Variants in WWOX observed in about 807,000 individuals in gnomAD.
WWOX encodes the protein WW domain-containing oxidoreductase.
Under a neutral mutation model 46.2 loss-of-function variants are expected in WWOX, and 69 were observed. The ratio of observed to expected loss-of-function variants is 1.49; its 90% CI spans 1.23 to 1.82. The LOEUF (loss-of-function observed/expected upper bound fraction) is 1.82, where lower values mean the gene tolerates loss of function less well. Ranked by LOEUF, WWOX falls within the 40% of genes most tolerant of loss-of-function variation. The probability of loss-of-function intolerance (pLI) is 0.00; values close to 1 mark genes in which losing one functional copy is unlikely to be tolerated. For missense variants in WWOX, 919 were observed against 542.6 expected (o/e 1.69, Z -6.89); for synonymous variants, 359 against 202.6 (o/e 1.77, Z -6.56).
chr16:79,000,923 G>A (rs542704197), intron 8 of WWOX, among the ~76,000 whole-genome samples: 1 of 152,216 alleles, frequency 6.6e-6, no homozygotes, highest in Admixed American at 6.5e-5. Context: ...ATACTCATCT[G>A]CCCCACTGGA....
intron 8 of WWOX, among the ~76,000 whole-genome samples, chr16:78,828,704 C>G (rs1042159521): frequency 6.6e-6 from 1 of 152,104 alleles, no homozygotes; most frequent in African/African-American, 2.4e-5. Flanking sequence ...GTGCAGGGAA[C>G]TGTATTAATC....
intron 8 of WWOX, among the ~76,000 whole-genome samples, chr16:78,665,805 C>G (rs898866930): frequency 6.6e-6 from 1 of 152,154 alleles, no homozygotes; most frequent in Non-Finnish European, 1.5e-5. Flanking sequence ...CTACCTCAGA[C>G]TCTCAAGTAG....
chr16:78,625,681 C>T (rs1400376998), intron 8 of WWOX, among the ~76,000 whole-genome samples: 4 of 151,090 alleles, frequency 2.6e-5, no homozygotes, highest in South Asian at 2.1e-4. Context: ...TAATAATACT[C>T]GGTTGGTGCA....
At chr16:78,603,616 C>T (rs1436111858) in intron 8 of WWOX, among the ~76,000 whole-genome samples, 1 of 152,120 alleles carries the variant, frequency 6.6e-6, no homozygotes, top group Non-Finnish European at 1.5e-5. Context: ...ATCGCTTGAA[C>T]CCAGGAGGAG....
rs185137943 is a variant in WWOX at position 79,188,093 on chromosome 16, A to G, written c.1057-23515A>G. Among the ~76,000 whole-genome samples, 554 of 152,324 alleles carry G rather than the reference A, an allele frequency of 3.6e-3. 4 individuals carry two copies. Among genetic ancestry groups the G allele is most frequent in the South Asian group, 0.016 (78 of 4,828 alleles). ...TGAGGTTGCTAATTGTGGGCAGTAC[A>G]GTGTAGAGTCACTTTGATTTTTCTC... On this transcript the variant is annotated intron_variant, in intron 8 of 8. Transcript: ENST00000566780.
At chr16:79,116,662 GACTT>G (rs2049521874) in intron 8 of WWOX, among the ~76,000 whole-genome samples, 1 of 152,110 alleles carries the variant, frequency 6.6e-6, no homozygotes, top group Non-Finnish European at 1.5e-5. Context: ...AGGGGCTCAA[GACTT>G]ACTTCCTCCA....
chr16:79,111,159 C>T (rs1041266811), intron 8 of WWOX, among the ~76,000 whole-genome samples: 1 of 152,160 alleles, frequency 6.6e-6, no homozygotes, highest in South Asian at 2.1e-4. Flanking sequence ...AAGTATTCCA[C>T]AAAGTTAGAG....
At position 79,212,066 on chromosome 16, in the gene WWOX, T is replaced by G. The variant is rs1189191484; in HGVS notation, c.*270T>G. On this transcript the variant is annotated 3_prime_UTR_variant, in exon 9 of 9. Coordinates refer to ENST00000566780, the MANE Select transcript of WWOX (RefSeq NM_016373.4). ...TTTGAAAGTAAAAACCTGCTTGGTGTGTAGGTTCCGTATCTCCCTGGAGAA... is the reference window on the plus strand; with the variant it reads ...TTTGAAAGTAAAAACCTGCTTGGTGGGTAGGTTCCGTATCTCCCTGGAGAA... The G allele has an allele frequency of 6.5e-7, 1 of 1,536,388 alleles. No homozygotes were observed. The highest frequency in any genetic ancestry group is 1.4e-5 in the African/African-American group (1 of 73,172).
chr16:78,242,663 G>A (rs576650765), intron 5 of WWOX, among the ~76,000 whole-genome samples: 1 of 152,262 alleles, frequency 6.6e-6, no homozygotes, highest in East Asian at 1.9e-4. Flanking sequence ...CTCCTCTCTG[G>A]AACCCATGGC....
intron 8 of WWOX, among the ~76,000 whole-genome samples, chr16:79,207,279 AAC>A (rs2051547438): frequency 6.6e-6 from 1 of 152,248 alleles, no homozygotes; most frequent in Non-Finnish European, 1.5e-5. Context: ...TGCTTTGTCC[AAC>A]AGACACCAGA....
At chr16:78,334,289 G>A (rs572045832) in intron 5 of WWOX, among the ~76,000 whole-genome samples, 9 of 152,160 alleles carry the variant, frequency 5.9e-5, no homozygotes, top group African/African-American at 9.6e-5. Flanking sequence ...ACCCTCCTCC[G>A]TGAATGCACA....
At chr16:78,797,347 G>T (rs1349545622) in intron 8 of WWOX, among the ~76,000 whole-genome samples, 1 of 100,900 alleles carries the variant, frequency 9.9e-6, no homozygotes, top group Non-Finnish European at 1.9e-5. Context: ...CAATTTTAAG[G>T]GTCAAAGTGG....
chr16:78,796,661 G>A (rs1397173630), intron 8 of WWOX, among the ~76,000 whole-genome samples: 1 of 152,194 alleles, frequency 6.6e-6, no homozygotes, highest in African/African-American at 2.4e-5. Flanking sequence ...ATATTTGTTA[G>A]AGATATATCT....
intron 8 of WWOX, among the ~76,000 whole-genome samples, chr16:78,854,828 C>T (rs1193532520): frequency 6.6e-6 from 1 of 152,110 alleles, no homozygotes; most frequent in African/African-American, 2.4e-5. Flanking sequence ...GTGATCTGCC[C>T]TCCTCGGCCT....
intron 5 of WWOX, among the ~76,000 whole-genome samples, chr16:78,202,473 T>A (rs1240740645): frequency 1.3e-5 from 2 of 152,222 alleles, no homozygotes; most frequent in African/African-American, 2.4e-5. Context: ...TTTTCAAGAA[T>A]TGAATCTCAA....
intron 8 of WWOX, among the ~76,000 whole-genome samples, chr16:78,791,024 A>AAAG (rs2050584264): frequency 6.7e-6 from 1 of 149,664 alleles, no homozygotes. Context: ...GTCTCAAAAA[A>AAAG]AAAAAAAAAA....
chr16:78,885,169 G>T (rs1038495200), intron 8 of WWOX, among the ~76,000 whole-genome samples: 5 of 151,672 alleles, frequency 3.3e-5, no homozygotes, highest in African/African-American at 1.2e-4. Flanking sequence ...TCATGGTTGC[G>T]GGGGACTACC....
At position 78,164,218 on chromosome 16, in the gene WWOX, G is replaced by A. The variant is rs200820063; in HGVS notation, c.445G>A (p.Ala149Thr). The A allele has an allele frequency of 1.5e-5, 24 of 1,614,132 alleles. No homozygotes were observed. The East Asian group carries it at 5.1e-4, about 34-fold the overall frequency. The change falls in exon 5 of 9, where the codon GCA becomes ACA. Residue 149 changes from alanine (A) to threonine (T), a missense_variant. Coordinates refer to ENST00000566780, the MANE Select transcript of WWOX (RefSeq NM_016373.4). ...ETAKSFALHG[A>T]HVILACRNMA... The stretch of plus-strand genomic sequence containing the variant: ...CGCCAAGTCTTTTGCCCTCCATGGT[G>A]CACATGTGATCTTGGCCTGCAGGAA...
chr16:78,655,136 T>G (rs556576666), intron 8 of WWOX, among the ~76,000 whole-genome samples: 3 of 152,242 alleles, frequency 2.0e-5, no homozygotes, highest in Admixed American at 2.0e-4. Flanking sequence ...CGGCTCAAAC[T>G]AGCTTCGGGG....
Sources: allele counts gnomAD v4.1 joint callset (sites outside exome capture counted in the v4.1 genomes callset), GRCh38; gene constraint gnomAD v4.1.1; transcripts MANE v1.5; gene names NCBI Gene and HGNC (gene_info 2026-07-23, HGNC 2026-07-21).